CSMD1: variants seen among roughly 807,000 people sequenced by gnomAD.
The protein encoded by CSMD1 is CUB and Sushi multiple domains 1.
CSMD1 carries 213 observed loss-of-function variants against 417.5 expected under a neutral mutation model. The ratio of observed to expected loss-of-function variants is 0.51; its 90% CI spans 0.46 to 0.57. CSMD1 has a LOEUF of 0.57. CSMD1 is among the 20% of genes least tolerant of loss of function. The pLI, the probability that CSMD1 is intolerant of heterozygous loss-of-function variation, is 0.00. For missense variants in CSMD1, 6,923 were observed against 4,529.7 expected, an observed-to-expected ratio of 1.53 and a Z score of -15.17; for synonymous variants, 2,862 against 1,736.8, an observed-to-expected ratio of 1.65 and a Z score of -16.11.
At chr8:4,675,356 G>C (rs1383528950) in intron 1 of CSMD1, among the ~76,000 whole-genome samples, 1 of 152,102 alleles carries the variant, frequency 6.6e-6, no homozygotes, top group Non-Finnish European at 1.5e-5. Context: ...AGAAATGTTT[G>C]ACATTTGAAA....
At chr8:4,366,137 C>G (rs538078351) in intron 3 of CSMD1, among the ~76,000 whole-genome samples, 2 of 152,110 alleles carry the variant, frequency 1.3e-5, no homozygotes, top group African/African-American at 4.8e-5. Context: ...GTGTCACTGT[C>G]TTCAGTGTTT....
At chr8:4,379,181 G>T (rs1289118368) in intron 3 of CSMD1, among the ~76,000 whole-genome samples, 2 of 152,146 alleles carry the variant, frequency 1.3e-5, no homozygotes, top group Non-Finnish European at 2.9e-5. Flanking sequence ...GATTTATTCT[G>T]TAGTATTCTG....
intron 59 of CSMD1, among the ~76,000 whole-genome samples, chr8:2,965,392 A>G (rs1402561179): frequency 4.6e-5 from 7 of 152,062 alleles, no homozygotes; most frequent in Non-Finnish European, 1.0e-4. Flanking sequence ...CGTCTCTCCA[A>G]CCTGCCTCTA....
At chr8:3,736,447 G>A (rs892740913) in intron 6 of CSMD1, among the ~76,000 whole-genome samples, 4 of 152,044 alleles carry the variant, frequency 2.6e-5, no homozygotes, top group Non-Finnish European at 5.9e-5. Flanking sequence ...GTCTCACTAC[G>A]TGGTCCAGGC....
rs777019003 is a variant in CSMD1, at chr8:3,110,210, T to C, written c.6556A>G (p.Ile2186Val). The C allele has an allele frequency of 2.0e-5, 32 of 1,613,070 alleles. No homozygotes were observed. The highest frequency in any genetic ancestry group is 2.7e-5 in the Non-Finnish European group (32 of 1,179,564). ...TCCGTCTGTAACAGGGTGAAGTTGA[T>C]GTAAACTCCGTGCCCTGGAGGCACC... is the stretch of plus-strand genomic sequence containing the variant. ...ITVPPGHGVY[I>V]NFTLLQTEAV... Residue 2186 changes from isoleucine (I) to valine (V), a missense_variant, in exon 43 of 70, where the codon ATC becomes GTC. By Grantham distance (29) the Ile-to-Val change is conservative. Transcript: ENST00000635120.
At chr8:3,385,213 A>T (rs1810931330) in intron 18 of CSMD1, among the ~76,000 whole-genome samples, 1 of 146,502 alleles carries the variant, frequency 6.8e-6, no homozygotes, top group African/African-American at 2.5e-5. Context: ...ATGTAAAATC[A>T]TATACATATA....
chr8:3,915,078 G>A (rs1563206410), intron 5 of CSMD1, among the ~76,000 whole-genome samples: 2 of 152,036 alleles, frequency 1.3e-5, no homozygotes, highest in Admixed American at 1.3e-4. Flanking sequence ...AATTAATTAG[G>A]GATCGGAAAA....
chr8:3,764,731 TTCTC>T (rs1183095432), intron 5 of CSMD1, among the ~76,000 whole-genome samples: 1 of 127,836 alleles, frequency 7.8e-6, no homozygotes, highest in East Asian at 2.3e-4. Flanking sequence ...CACTGCCCTT[TTCTC>T]TTTCTTTTTT....
chr8:4,706,932 A>G (rs78049038), intron 1 of CSMD1, among the ~76,000 whole-genome samples: 1 of 152,208 alleles, frequency 6.6e-6, no homozygotes, highest in African/African-American at 2.4e-5. Flanking sequence ...ACTATGAGTA[A>G]TTTGCTCATC....
chr8:3,583,737 G>A (rs1800480410), intron 9 of CSMD1, among the ~76,000 whole-genome samples: 1 of 152,206 alleles, frequency 6.6e-6, no homozygotes, highest in Non-Finnish European at 1.5e-5. Context: ...AGCTGCACAA[G>A]CATTCTAGAC....
chr8:4,595,935 T>C (rs1196195310), intron 2 of CSMD1, among the ~76,000 whole-genome samples: 1 of 152,070 alleles, frequency 6.6e-6, no homozygotes. Context: ...AATCTTGCTC[T>C]TACTAAACTA....
At chr8:3,812,568 T>G (rs1801147113) in intron 5 of CSMD1, among the ~76,000 whole-genome samples, 3 of 152,160 alleles carry the variant, frequency 2.0e-5, no homozygotes, top group Admixed American at 2.0e-4. Context: ...TCGGAGACCT[T>G]GCTTATGAGG....
At chr8:4,661,234 T>A (rs550867692) in intron 1 of CSMD1, among the ~76,000 whole-genome samples, 1 of 152,180 alleles carries the variant, frequency 6.6e-6, no homozygotes, top group Non-Finnish European at 1.5e-5. Context: ...AATGAGTGAA[T>A]GGCTAAATAA....
At chr8:3,872,072 C>A (rs1162573313) in intron 5 of CSMD1, among the ~76,000 whole-genome samples, 1 of 152,190 alleles carries the variant, frequency 6.6e-6, no homozygotes, top group East Asian at 1.9e-4. Flanking sequence ...ATACAACCTG[C>A]TGAAAGGCCA....
intron 3 of CSMD1, among the ~76,000 whole-genome samples, chr8:4,044,721 C>T (rs1449868570): frequency 3.3e-5 from 5 of 152,030 alleles, no homozygotes; most frequent in Non-Finnish European, 7.4e-5. Context: ...TGCATAGCAC[C>T]CTGGACACGT....
At chr8:4,113,274 C>T (rs1801954504) in intron 3 of CSMD1, among the ~76,000 whole-genome samples, 2 of 150,568 alleles carry the variant, frequency 1.3e-5, no homozygotes, top group South Asian at 4.2e-4. Context: ...CATTTTAAAT[C>T]AAAAGCTAGA....
At chr8:4,016,774 T>C (rs1436029843) in intron 4 of CSMD1, among the ~76,000 whole-genome samples, 1 of 152,230 alleles carries the variant, frequency 6.6e-6, no homozygotes, top group Non-Finnish European at 1.5e-5. Flanking sequence ...CCTAAGTTTA[T>C]GTGTATAGTT....
At chr8:4,974,490 G>C (rs117950342) in intron 1 of CSMD1, among the ~76,000 whole-genome samples, 5,368 of 148,044 alleles carry the variant, frequency 0.036, 111 homozygotes, top group Middle Eastern at 0.14. Flanking sequence ...TGTTGATGGA[G>C]AATGATCATT....
chr8:3,380,748 C>G (rs1331561967), intron 18 of CSMD1, among the ~76,000 whole-genome samples: 2 of 151,964 alleles, frequency 1.3e-5, no homozygotes, highest in Non-Finnish European at 2.9e-5. Context: ...TCGGAGAATG[C>G]AGGGCTAGGG....
Sources: allele counts gnomAD v4.1 joint callset (sites outside exome capture counted in the v4.1 genomes callset), GRCh38; gene constraint gnomAD v4.1.1; transcripts MANE v1.5; gene names NCBI Gene and HGNC (gene_info 2026-07-23, HGNC 2026-07-21).